The following CHMP1A variants were observed in gnomAD, a reference collection of about 807,000 sequenced individuals.
The protein encoded by CHMP1A is VPS46 homolog A.
A neutral mutation model predicts 27.0 loss-of-function variants in CHMP1A; 17 were observed. The observed-to-expected ratio is 0.63, with a 90% CI of 0.43 to 0.95. CHMP1A has a LOEUF of 0.95. CHMP1A is among the 40% of genes least tolerant of loss of function. The pLI is 0.00. For missense variants in CHMP1A, 275 were observed against 264.0 expected (o/e 1.04, Z -0.29); for synonymous variants, 131 against 107.5 (o/e 1.22, Z -1.35).
At chr16:89,653,781 G>A (rs924599259) in intron 2 of CHMP1A, 123 bp downstream of exon 2, 10 of 998,140 alleles carry the variant, frequency 1.0e-5, no homozygotes, top group Non-Finnish European at 1.4e-5. Context: ...TCTGAGCCCT[G>A]TGTGGCGGTC....
chr16:89,647,609 C>T (rs2059787010), intron 4 of CHMP1A, among the ~76,000 whole-genome samples: 4 of 130,812 alleles, frequency 3.1e-5, no homozygotes, highest in Middle Eastern at 4.7e-3. Context: ...GACGTGGAGA[C>T]CCAGTGCGGG....
intron 1 of CHMP1A, among the ~76,000 whole-genome samples, chr16:89,656,360 A>G (rs552693005): frequency 1.7e-4 from 26 of 150,878 alleles, no homozygotes; most frequent in African/African-American, 6.1e-4. Flanking sequence ...GATGGTCTCG[A>G]TCTCCTGACC....
At chr16:89,647,002 T>TGC in intron 5 of CHMP1A, 1 of 1,488,398 alleles carries the variant, frequency 6.7e-7, no homozygotes, top group East Asian at 2.6e-5. Context: ...GCCAGGTGCC[T>TGC]GCAGGAGGCC....
intron 5 of CHMP1A, 170 bp from the exon 6 acceptor site, chr16:89,646,884 G>GGCCCCCGCC: frequency 2.8e-6 from 2 of 709,060 alleles, no homozygotes; most frequent in Non-Finnish European, 4.8e-6. Context: ...AGCCTTTCCT[G>GGCCCCCGCC]CCCCCCCACC....
chr16:89,656,286 G>A (rs1201119856), intron 1 of CHMP1A, among the ~76,000 whole-genome samples: 2 of 152,076 alleles, frequency 1.3e-5, no homozygotes, highest in Admixed American at 6.6e-5. Context: ...ACAGGCACCC[G>A]CCACCACGCC....
intron 3 of CHMP1A, among the ~76,000 whole-genome samples, chr16:89,649,871 C>T (rs756756132): frequency 2.6e-5 from 4 of 152,206 alleles, no homozygotes; most frequent in Admixed American, 6.5e-5. Flanking sequence ...CCACCGCGCC[C>T]GGCCCTAGGA....
rs970809078 is a variant in CHMP1A at position 89,651,404 on chromosome 16, A to T, written c.105+165T>A. 1.8e-3 allele frequency among the ~76,000 whole-genome samples: 244 copies of T among 139,004 alleles called. 1 individual carries two copies. Among genetic ancestry groups the T allele is most frequent in the African/African-American group, 5.6e-3 (212 of 37,698 alleles). 91.2% of individuals were successfully genotyped at this position (139,004 alleles called of 152,430 possible). On this transcript the variant is annotated intron_variant, in intron 3 of 6. Transcript: ENST00000397901. ...AACAAACAAACAAACAAACAAACAA[A>T]ATATATATATATATGTACCTCAAGG...
chr16:89,645,975 G>C lies in CHMP1A; in HGVS notation c.*91C>G. On this transcript the variant is annotated 3_prime_UTR_variant, in exon 7 of 7. Transcript: ENST00000397901. ...AGTGGCTGCCGGCCGCAGCCCCGCG[G>C]GGTCAGCACAAAGGCAAGACGCGGT... is the stretch of plus-strand genomic sequence containing the variant. The C allele has an allele frequency of 6.2e-7, 1 of 1,612,240 alleles. No homozygotes were observed. The highest frequency in any genetic ancestry group is 8.5e-7 in the Non-Finnish European group (1 of 1,179,454).
intron 1 of CHMP1A, among the ~76,000 whole-genome samples, chr16:89,654,652 ATATT>A (rs1270417211): frequency 6.6e-6 from 1 of 151,768 alleles, no homozygotes; most frequent in African/African-American, 2.4e-5. Context: ...AGAAAAATAT[ATATT>A]TTTTTGCCGG....
chr16:89,657,318 G>A (rs1190694601), intron 1 of CHMP1A, among the ~76,000 whole-genome samples: 3 of 147,440 alleles, frequency 2.0e-5, no homozygotes, highest in Non-Finnish European at 4.5e-5. Context: ...GGTATCGGGG[G>A]ACGAGGCTCG....
At chr16:89,657,185 G>T (rs1333344907) in intron 1 of CHMP1A, among the ~76,000 whole-genome samples, 1 of 147,670 alleles carries the variant, frequency 6.8e-6, no homozygotes, top group Non-Finnish European at 1.5e-5. Context: ...CCCGGGAGAA[G>T]GGGTCCCGGG....
rs573177174 is a variant in CHMP1A at position 89,648,920 on chromosome 16, G to A, written c.252+431C>T. ...GATGCCTGTGGTCTCAGCTACTTGC[G>A]AGGCTGAGGCAGGAGGATTGCTTGA... On this transcript the variant is annotated intron_variant, in intron 4 of 6. Transcript: ENST00000397901. Among the ~76,000 whole-genome samples the A allele has an allele frequency of 1.3e-4, 19 of 151,788 alleles. 1 individual carries two copies. The highest frequency in any genetic ancestry group is 6.8e-3 in the Middle Eastern group (2 of 294).
Position 89,657,692 on chromosome 16 carries a change from G to T in CHMP1A, c.-104C>A, listed in dbSNP as rs986063472. 1 of 1,569,862 alleles carries T rather than the reference G, an allele frequency of 6.4e-7. No homozygotes were observed. The highest frequency in any genetic ancestry group is 8.6e-7 in the Non-Finnish European group (1 of 1,160,160). ...GAACCGACCAAGCTGCACCCGGCGG[G>T]GACTTCCGGGGTCGCCGCCCCACTT... On this transcript the variant is annotated 5_prime_UTR_variant, in exon 1 of 7. Transcript: ENST00000397901.
intron 6 of CHMP1A, 65 bp from the exon 7 acceptor site, chr16:89,646,152 C>A: frequency 7.0e-7 from 1 of 1,432,916 alleles, no homozygotes; most frequent in South Asian, 1.4e-5. Context: ...CCACGTGCTC[C>A]CAGCACAGGT....
At position 89,650,713 on chromosome 16, in the gene CHMP1A, G is replaced by C. The variant is rs138942011; in HGVS notation, c.105+856C>G. Among the ~76,000 whole-genome samples the C allele has an allele frequency of 4.6e-3, 707 of 152,146 alleles. 4 individuals are homozygous for C. The highest frequency in any genetic ancestry group is 0.016 in the African/African-American group (653 of 41,522). On this transcript the variant is annotated intron_variant, in intron 3 of 6. Transcript: ENST00000397901. ...CCCAGCTACCCAGGAGGTTGAGGCA[G>C]GAGAATCACTCGAACCCAGGAGGCA...
In CHMP1A at chr16:89,647,126, G is replaced by T. The variant is rs1468490179; in HGVS notation, c.381+77C>A. The T allele has an allele frequency of 2.6e-6, 4 of 1,562,812 alleles. No individual in the cohort carries two copies. The Admixed American group carries it at 7.6e-5, about 30-fold the overall frequency. On this transcript the variant is annotated intron_variant, in intron 5 of 6. Transcript: ENST00000397901. Reference sequence around the variant, plus strand: ...ATGCAGAGACAGCACGTCAGCCTGTGAGCCACCCCTCCCGATGAGCTGCCC... The same window carrying T: ...ATGCAGAGACAGCACGTCAGCCTGTTAGCCACCCCTCCCGATGAGCTGCCC...
Position 89,645,701 on chromosome 16 carries a change from A to C in CHMP1A, c.*365T>G. 2 of 390,904 alleles carry C rather than the reference A, an allele frequency of 5.1e-6. No individual in the cohort carries two copies. The highest frequency in any genetic ancestry group is 1.5e-4 in the East Asian group (2 of 13,288). 24.2% of individuals were successfully genotyped at this position (390,904 alleles called of 1,614,324 possible). ...AGAGGCCTCAGGGAGTTGTTTGGCA[A>C]CAGGGCAGCCCTGACCCCCTCTGGC... is the stretch of plus-strand genomic sequence containing the variant. On this transcript the variant is annotated 3_prime_UTR_variant, in exon 7 of 7. Coordinates refer to ENST00000397901, the MANE Select transcript of CHMP1A (RefSeq NM_002768.5).
At chr16:89,653,417 G>C (rs577547686) in intron 2 of CHMP1A, among the ~76,000 whole-genome samples, 4 of 150,214 alleles carry the variant, frequency 2.7e-5, no homozygotes, top group Admixed American at 6.6e-5. Context: ...TGAAGAGATC[G>C]AGACCATCCT....
At chr16:89,649,214 C>G in intron 4 of CHMP1A, 137 bp downstream of exon 4, 1 of 715,986 alleles carries the variant, frequency 1.4e-6, no homozygotes, top group Admixed American at 3.4e-5. Flanking sequence ...CCACGCTGAT[C>G]CAGCTTCCCT....
Sources: allele counts gnomAD v4.1 joint callset (sites outside exome capture counted in the v4.1 genomes callset), GRCh38; gene constraint gnomAD v4.1.1; transcripts MANE v1.5; gene names NCBI Gene and HGNC (gene_info 2026-07-23, HGNC 2026-07-21).